Variants in SYNE1 observed in about 807,000 individuals in gnomAD.
The protein encoded by SYNE1 is spectrin repeat containing nuclear envelope protein 1.
SYNE1 carries 616 observed loss-of-function variants against 1,111.0 expected under a neutral mutation model. The observed-to-expected ratio is 0.55, with a 90% CI of 0.52 to 0.59. SYNE1 has a LOEUF of 0.59. Among genes scored for constraint, SYNE1 ranks in the 20% least tolerant of loss-of-function variants. The pLI, the probability that SYNE1 is intolerant of heterozygous loss-of-function variation, is 0.00. For missense variants in SYNE1, 10,006 were observed against 10,417.0 expected (o/e 0.96, Z 1.72); for synonymous variants, 3,855 against 3,825.8 (o/e 1.01, Z -0.28).
At chr6:152,193,040 G>A (rs1195631473) in intron 127 of SYNE1, among the ~76,000 whole-genome samples, 2 of 152,026 alleles carry the variant, frequency 1.3e-5, no homozygotes, top group Admixed American at 1.3e-4. Flanking sequence ...TGTCTTCTGA[G>A]TTTAGTTCAT....
At chr6:152,449,738 T>A (rs2154249126) in intron 27 of SYNE1, 97 bp from the exon 28 acceptor site, 1 of 941,258 alleles carries the variant, frequency 1.1e-6, no homozygotes, top group South Asian at 1.4e-5. Context: ...AATTTAACAA[T>A]TAAGTGATTA....
In SYNE1 at chr6:152,151,987, C is replaced by T. The variant is rs119103246; in HGVS notation, c.24284G>A (p.Arg8095His). The change falls in exon 134 of 146, where the codon CGT (arginine) becomes CAT (histidine). Residue 8095 changes from arginine (R) to histidine (H), a missense_variant. Coordinates refer to ENST00000367255, the MANE Select transcript of SYNE1 (RefSeq NM_182961.4). ...GNQRWDNLQK[R>H]VTSILRRLKH... ...GAGTCTGCGCAAGATGGAGGTGACACGCTTTTGCAGGTTGTCCCATCTCTG... is the reference window on the plus strand; with the variant it reads ...GAGTCTGCGCAAGATGGAGGTGACATGCTTTTGCAGGTTGTCCCATCTCTG... The T allele has an allele frequency of 5.0e-6, 8 of 1,614,172 alleles. No individual in the cohort carries two copies. The highest frequency in any genetic ancestry group is 2.2e-5 in the East Asian group (1 of 44,880).
In SYNE1 at chr6:152,221,514, A is replaced by G; in HGVS notation, c.21568T>C (p.Phe7190Leu). ...AATAATTGGTTGGTGATAGAGCCAA[A>G]TTTCTGTAAGCTCCTTTCCTGTTTT... Reference protein sequence around the residue: ...LEKQERSLQKFGSITNQLLKE... With the variant: ...LEKQERSLQKLGSITNQLLKE... Residue 7190 changes from phenylalanine (F) to leucine (L), a missense_variant, in exon 118 of 146, where the codon TTT becomes CTT. Phe to Leu is a conservative substitution (Grantham distance 22). This residue lies in a region of SYNE1 where 2,182 missense variants were observed against 2,287.8 expected (regional missense o/e 0.95). Coordinates refer to ENST00000367255, the MANE Select transcript of SYNE1 (RefSeq NM_182961.4). 1 of 1,613,942 alleles carries G rather than the reference A, an allele frequency of 6.2e-7. No individual in the cohort carries two copies.
chr6:152,363,366 C>G (rs927942538), intron 63 of SYNE1, among the ~76,000 whole-genome samples: 6 of 149,648 alleles, frequency 4.0e-5, no homozygotes, highest in East Asian at 2.0e-4. Context: ...TGGTGGCGGG[C>G]GCCTGTAGTA....
At chr6:152,283,088 G>C (rs2094126927) in intron 96 of SYNE1, among the ~76,000 whole-genome samples, 1 of 152,118 alleles carries the variant, frequency 6.6e-6, no homozygotes, top group African/African-American at 2.4e-5. Context: ...AACTACAGGA[G>C]CAACAATATG....
At position 152,498,783 on chromosome 6, in the gene SYNE1, G is replaced by A. The variant is rs1269222098; in HGVS notation, c.898C>T (p.Pro300Ser). Residue 300 changes from proline (P) to serine (S), a missense_variant, in exon 11 of 146, where the codon CCA (proline) becomes TCA (serine). Physicochemically the swap from Pro to Ser is moderately conservative, Grantham distance 74. Coordinates refer to ENST00000367255, the MANE Select transcript of SYNE1 (RefSeq NM_182961.4). ...GAATTTGCAAAAGATGGGAAACCTG[G>A]AAGTATTTCCTAACAATATGAAAAG... ...TDGQEDDEIL[P>S]GFPSFANSVQ... 6.5e-7 allele frequency: 1 copy of A among 1,538,896 alleles called. No homozygotes were observed. The highest frequency in any genetic ancestry group is 2.3e-5 in the East Asian group (1 of 43,602).
intron 4 of SYNE1, among the ~76,000 whole-genome samples, chr6:152,534,352 A>C (rs1363754946): frequency 6.6e-6 from 1 of 152,140 alleles, no homozygotes; most frequent in Non-Finnish European, 1.5e-5. Context: ...AAATTAACAA[A>C]TGCTATTCAT....
chr6:152,609,445 G>A (rs1294457606), intron 3 of SYNE1, among the ~76,000 whole-genome samples: 1 of 152,164 alleles, frequency 6.6e-6, no homozygotes, highest in Admixed American at 6.5e-5. Context: ...GCTGAGGCTT[G>A]ACTAGGTAAA....
chr6:152,277,698 G>A, intron 98 of SYNE1: 1 of 238,966 alleles, frequency 4.2e-6, no homozygotes, highest in East Asian at 9.8e-5. Context: ...GAATGTAAAA[G>A]AAAAAAAGAG....
At chr6:152,389,645 C>A (rs539879501) in intron 53 of SYNE1, among the ~76,000 whole-genome samples, 152 of 152,306 alleles carry the variant, frequency 1.0e-3, no homozygotes, top group African/African-American at 3.5e-3. Context: ...CAATCAAGGA[C>A]TTCCCTGCTT....
chr6:152,471,541 T>C (rs2154278877), intron 16 of SYNE1, 56 bp downstream of exon 16: 1 of 1,528,276 alleles, frequency 6.5e-7, no homozygotes, highest in Non-Finnish European at 9.1e-7. Context: ...GAAACTGAAC[T>C]GTGTTGCTAA....
At chr6:152,480,671 T>A (rs2098887013) in intron 14 of SYNE1, 1 of 434,446 alleles carries the variant, frequency 2.3e-6, no homozygotes, top group Non-Finnish European at 4.5e-6. Flanking sequence ...CCAGGCCTAG[T>A]AGAAGTTCCT....
At chr6:152,179,627 G>T (rs2067373996) in intron 129 of SYNE1, among the ~76,000 whole-genome samples, 1 of 131,902 alleles carries the variant, frequency 7.6e-6, no homozygotes, top group Non-Finnish European at 1.6e-5. Context: ...TATATTTTAT[G>T]TGTAAAGCAG....
chr6:152,346,106 C>G (rs1388209556), intron 73 of SYNE1, among the ~76,000 whole-genome samples: 1 of 152,150 alleles, frequency 6.6e-6, no homozygotes, highest in African/African-American at 2.4e-5. Context: ...TCAAACACAT[C>G]AACTATTTTT....
chr6:152,309,930 C>T lies in SYNE1; in HGVS notation c.17107G>A (p.Val5703Ile), dbSNP rs745633700. The T allele has an allele frequency of 1.9e-6, 3 of 1,614,154 alleles. No individual in the cohort carries two copies. The South Asian group carries it at 3.3e-5, about 18-fold the overall frequency. ...QSALRIPEDVVASLPLCHAAL... is the reference protein window; with the variant it reads ...QSALRIPEDVIASLPLCHAAL... ...GCATGACAGAGAGGTAAGCTGGCAACCACATCCTCGGGGATCCGGAGGGCA... is the reference window on the plus strand; with the variant it reads ...GCATGACAGAGAGGTAAGCTGGCAATCACATCCTCGGGGATCCGGAGGGCA... The change falls in exon 90 of 146, where the codon GTT becomes ATT. Residue 5703 changes from valine (V) to isoleucine (I), a missense_variant. Val to Ile is a conservative substitution (Grantham distance 29). Transcript: ENST00000367255.
At chr6:152,456,757 T>C (rs2098699213) in intron 22 of SYNE1, 1 of 448,374 alleles carries the variant, frequency 2.2e-6, no homozygotes, top group Non-Finnish European at 4.5e-6. Context: ...AGGCAGAGGG[T>C]CATTTTTTGG....
intron 126 of SYNE1, among the ~76,000 whole-genome samples, chr6:152,204,766 C>A (rs368202860): frequency 6.5e-4 from 99 of 152,182 alleles, no homozygotes; most frequent in African/African-American, 2.4e-3. Flanking sequence ...ATGTCATGAG[C>A]CTGCAAATAT....
rs374471873 is a variant in SYNE1, at chr6:152,350,163, G to A, written c.11901+5C>T. ...CAAAGGCAGCCCTTTAAAGGTCAGGGGTACCTTGTGGTGGGCCAATTGCTG... is the reference window on the plus strand; with the variant it reads ...CAAAGGCAGCCCTTTAAAGGTCAGGAGTACCTTGTGGTGGGCCAATTGCTG... On this transcript the variant is annotated splice_donor_5th_base_variant and intron_variant, in intron 72 of 145. Transcript: ENST00000367255. 3 of 1,612,716 alleles carry A rather than the reference G, an allele frequency of 1.9e-6. No homozygotes were observed. Among genetic ancestry groups the A allele is most frequent in the African/African-American group, 2.7e-5 (2 of 74,860 alleles).
In SYNE1 at chr6:152,436,044, C is replaced by T; in HGVS notation, c.4207G>A (p.Ala1403Thr). ...TGGGGCCCAAGCGGTATCTCTGAAG[C>T]TTCCTTTACAAGGTTCTCAGCCTGG... ...AVQAENLVKE[A>T]SEIPLGPQNK... The change falls in exon 33 of 146, where the codon GCT becomes ACT. Residue 1403 changes from alanine to threonine, a missense_variant. This residue lies in a region of SYNE1 where 1,971 missense variants were observed against 2,084.1 expected (regional missense o/e 0.95). Transcript: ENST00000367255. 1.2e-6 allele frequency: 2 copies of T among 1,614,100 alleles called. No individual in the cohort carries two copies. The highest frequency in any genetic ancestry group is 1.7e-6 in the Non-Finnish European group (2 of 1,180,006).
Sources: allele counts gnomAD v4.1 joint callset (sites outside exome capture counted in the v4.1 genomes callset), GRCh38; gene constraint gnomAD v4.1.1; regional missense constraint gnomAD v4.1.1; transcripts MANE v1.5; gene names NCBI Gene and HGNC (gene_info 2026-07-23, HGNC 2026-07-21).